Variants in ITGB7 observed in about 807,000 individuals in gnomAD.
The protein encoded by ITGB7 is integrin beta-7.
In ITGB7, 55 loss-of-function variants were observed where a neutral mutation model predicts 83.4. That is an observed-to-expected ratio of 0.66 (90% confidence interval 0.53 to 0.83). The LOEUF is 0.83. ITGB7 is among the 40% of genes least tolerant of loss of function. The pLI is 0.00. For missense variants in ITGB7, 921 were observed against 1,046.7 expected, an observed-to-expected ratio of 0.88 and a Z score of 1.66; for synonymous variants, 454 against 423.6, an observed-to-expected ratio of 1.07 and a Z score of -0.88.
rs372664775 is a variant in ITGB7 at position 53,193,858 on chromosome 12, T to A, written c.1352A>T (p.Glu451Val). ...GGCCCGGAGCCTCAGGAGATGGGGC[T>A]CTGGGAGGCAGTGGGTGGCTTGGAG... Reference protein sequence around the residue: ...VSLQATHCLPEPHLLRLRALG... With the variant: ...VSLQATHCLPVPHLLRLRALG... Residue 451 changes from glutamate (E) to valine (V), a missense_variant, in exon 11 of 16, where the codon GAG becomes GTG. Physicochemically the swap from Glu to Val is moderately radical, Grantham distance 121 (BLOSUM62 -2). Coordinates refer to ENST00000267082, the MANE Select transcript of ITGB7 (RefSeq NM_000889.3). 4.3e-6 allele frequency: 7 copies of A among 1,613,704 alleles called. No homozygotes were observed. The African/African-American group carries it at 9.4e-5, about 22-fold the overall frequency.
chr12:53,193,099 G>A, intron 12 of ITGB7, 41 bp downstream of exon 12: 5 of 1,548,880 alleles, frequency 3.2e-6, no homozygotes, highest in South Asian at 1.2e-5. Flanking sequence ...GCCTTGGGAA[G>A]GCCTCTCAGA....
At chr12:53,193,486 G>T in intron 11 of ITGB7, 123 bp from the exon 12 acceptor site, 1 of 805,164 alleles carries the variant, frequency 1.2e-6, no homozygotes, top group Non-Finnish European at 1.9e-6. Flanking sequence ...CAGCTGAAAG[G>T]ATGTTAAGTA....
chr12:53,197,326 A>T, intron 5 of ITGB7, 167 bp downstream of exon 5: 1 of 746,634 alleles, frequency 1.3e-6, no homozygotes, highest in East Asian at 2.6e-5. Flanking sequence ...CTGACCTAGA[A>T]GATGGGTGTC....
At chr12:53,202,339 A>G (rs1942339897) in intron 1 of ITGB7, among the ~76,000 whole-genome samples, 1 of 152,268 alleles carries the variant, frequency 6.6e-6, no homozygotes, top group South Asian at 2.1e-4. Context: ...AGCCTGGACA[A>G]CAGAGTGAAA....
At position 53,195,698 on chromosome 12, in the gene ITGB7, T is replaced by C. The variant is rs113310531; in HGVS notation, c.999A>G (p.Val333=). The C allele has an allele frequency of 1.2e-6, 2 of 1,613,828 alleles. No individual in the cohort carries two copies. The highest frequency in any genetic ancestry group is 1.7e-6 in the Non-Finnish European group (2 of 1,179,862). ...TATTTGCTGCAGAGAGGGCCTGGGC[T>C]ACCTGACCCACAGAAGGGTAGTCCT... ...TEFDYPSVGQ[V]AQALSAANIQ... The change falls in exon 8 of 16, where the codon GTA becomes GTG. Residue 333 remains valine, a synonymous_variant. Coordinates refer to ENST00000267082, the MANE Select transcript of ITGB7 (RefSeq NM_000889.3).
intron 5 of ITGB7, 26 bp downstream of exon 5, chr12:53,197,467 A>G (rs1216507934): frequency 1.9e-6 from 3 of 1,613,766 alleles, no homozygotes; most frequent in South Asian, 1.1e-5. Context: ...AAGGGCTAAC[A>G]GGGCGGGAGG....
rs1321472584 is a variant in ITGB7 at position 53,192,488 on chromosome 12, C to T, written c.1997G>A (p.Cys666Tyr). The change falls in exon 14 of 16, where the codon TGC becomes TAC. Residue 666 changes from cysteine (C) to tyrosine (Y), a missense_variant. Coordinates refer to ENST00000267082, the MANE Select transcript of ITGB7 (RefSeq NM_000889.3). ...ATTGGTATGGGCACAAGCTGTACTG[C>T]AGTTGGTGGCCAGTGGGCCAGTCCT... ...AFRTGPLATNCSTACAHTNVT... is the reference protein window; with the variant it reads ...AFRTGPLATNYSTACAHTNVT... 2 of 1,614,088 alleles carry T rather than the reference C, an allele frequency of 1.2e-6. No individual in the cohort carries two copies. Among genetic ancestry groups the T allele is most frequent in the Non-Finnish European group, 8.5e-7 (1 of 1,180,052 alleles).
chr12:53,197,074 G>A (rs1274361426), intron 5 of ITGB7: 2 of 572,756 alleles, frequency 3.5e-6, no homozygotes, highest in East Asian at 2.9e-5. Flanking sequence ...GAAGGCCCGG[G>A]TATAGGATAT....
intron 5 of ITGB7, chr12:53,197,275 C>T: frequency 1.6e-6 from 1 of 636,124 alleles, no homozygotes; most frequent in Non-Finnish European, 2.9e-6. Flanking sequence ...CGCTGGGTCT[C>T]AGGCCTGTAA....
Position 53,196,721 on chromosome 12 carries a change from G to A in ITGB7, c.674C>T (p.Ser225Leu). The part of the protein sequence containing the change: ...PCPTRLERCQ[S>L]PFSFHHVLSL... ...CAGCACATGGTGAAAGCTGAATGGT[G>A]ACTGGCAGCGCTCCAGCCGGGTGGG... The change falls in exon 6 of 16, where the codon TCA (serine) becomes TTA (leucine). Residue 225 changes from serine to leucine, a missense_variant. By Grantham distance (145) the Ser-to-Leu change is moderately radical. Coordinates refer to ENST00000267082, the MANE Select transcript of ITGB7 (RefSeq NM_000889.3). 6.2e-7 allele frequency: 1 copy of A among 1,613,214 alleles called. No homozygotes were observed. The highest frequency in any genetic ancestry group is 8.5e-7 in the Non-Finnish European group (1 of 1,179,564).
rs1380066213 is a variant in ITGB7 at position 53,193,246 on chromosome 12, C to T, written c.1620G>A (p.Lys540=). Residue 540 remains lysine, a synonymous_variant, in exon 12 of 16, where the codon AAG becomes AAA. Transcript: ENST00000267082. The stretch of plus-strand genomic sequence containing the variant: ...TGCAGCGTCCACATTGACAGTGACC[C>T]TTTCCACTGCACAGGGGCCCTGTGC... ...PNGTGPLCSG[K]GHCQCGRCSC... The T allele has an allele frequency of 1.2e-6, 2 of 1,614,196 alleles. No homozygotes were observed. Among genetic ancestry groups the T allele is most frequent in the Non-Finnish European group, 1.7e-6 (2 of 1,180,012 alleles).
intron 1 of ITGB7, among the ~76,000 whole-genome samples, chr12:53,203,287 TAGAC>T (rs1267862530): frequency 1.6e-4 from 25 of 152,138 alleles, no homozygotes; most frequent in African/African-American, 5.3e-4. Context: ...TCAAAGAAGA[TAGAC>T]AAATAGCCAC....
chr12:53,192,575 G>A, intron 13 of ITGB7, 37 bp from the exon 14 acceptor site: 1 of 1,604,064 alleles, frequency 6.2e-7, no homozygotes. Flanking sequence ...CAGCTGGGCA[G>A]TTGTCACCCA....
In ITGB7 at chr12:53,197,548, C is replaced by G. The variant is rs779774758; in HGVS notation, c.519G>C (p.Gln173His). 1.9e-6 allele frequency: 3 copies of G among 1,614,084 alleles called. No individual in the cohort carries two copies. The highest frequency in any genetic ancestry group is 2.7e-5 in the African/African-American group (2 of 74,940). The change falls in exon 5 of 16, where the codon CAG (glutamine) becomes CAC (histidine). Residue 173 changes from glutamine to histidine, a missense_variant. Coordinates refer to ENST00000267082, the MANE Select transcript of ITGB7 (RefSeq NM_000889.3). Reference protein sequence around the residue: ...SMKDDLERVRQLGHALLVRLQ... With the variant: ...SMKDDLERVRHLGHALLVRLQ... ...GCCGGACCAGCAGAGCGTGCCCGAG[C>G]TGGCGCACGCGTTCCAGGTCGTCCT... is the stretch of plus-strand genomic sequence containing the variant.
chr12:53,193,964 C>T (rs1370200136), intron 10 of ITGB7, 63 bp from the exon 11 acceptor site: 1 of 1,469,562 alleles, frequency 6.8e-7, no homozygotes, highest in Non-Finnish European at 9.3e-7. Context: ...CCCAAACTCA[C>T]CAATCATCCA....
intron 2 of ITGB7, 137 bp from the exon 3 acceptor site, chr12:53,200,583 C>T: frequency 1.4e-6 from 1 of 703,410 alleles, no homozygotes. Context: ...TTTCACTTCC[C>T]CTGTGGATTC....
Position 53,197,340 on chromosome 12 carries a change from G to A in ITGB7, c.574+153C>T, listed in dbSNP as rs537181274. The stretch of plus-strand genomic sequence containing the variant: ...TCTGACCTAGAAGATGGGTGTCTAG[G>A]GAGAGATGCAGGAACGAACCTGTGG... On this transcript the variant is annotated intron_variant, in intron 5 of 15. Coordinates refer to ENST00000267082, the MANE Select transcript of ITGB7 (RefSeq NM_000889.3). 2.5e-5 allele frequency: 20 copies of A among 806,936 alleles called. 2 individuals carry two copies. The highest frequency in any genetic ancestry group is 1.7e-4 in the African/African-American group (10 of 59,700). 50.0% of individuals were successfully genotyped at this position (806,936 alleles called of 1,614,324 possible). A position where few individuals can be genotyped will look rare whatever the true frequency, so the allele number is the denominator to read the frequency against.
At chr12:53,203,451 C>T (rs747514371) in intron 1 of ITGB7, among the ~76,000 whole-genome samples, 8 of 151,574 alleles carry the variant, frequency 5.3e-5, no homozygotes, top group African/African-American at 1.2e-4. Flanking sequence ...AGTTCAAGAC[C>T]GGCCTGGGCA....
rs769282133 is a variant in ITGB7 at position 53,192,009 on chromosome 12, G to A, written c.2166C>T (p.Asp722=). Residue 722 remains aspartate, a synonymous_variant, in exon 15 of 16, where the codon GAC becomes GAT. Coordinates refer to ENST00000267082, the MANE Select transcript of ITGB7 (RefSeq NM_000889.3). ...AGCCCAGCACAATGGCCTGCGTGTG[G>A]TCTGCTCCCTCTGTGAACAAGAAAC... The part of the protein sequence containing the change: ...LRVRPQEKGA[D]HTQAIVLGCV... The A allele has an allele frequency of 2.5e-6, 4 of 1,611,970 alleles. No homozygotes were observed. The highest frequency in any genetic ancestry group is 2.2e-5 in the East Asian group (1 of 44,850).
Sources: allele counts gnomAD v4.1 joint callset (sites outside exome capture counted in the v4.1 genomes callset), GRCh38; gene constraint gnomAD v4.1.1; transcripts MANE v1.5; gene names NCBI Gene and HGNC (gene_info 2026-07-23, HGNC 2026-07-21).